FHAD1: variants seen among roughly 807,000 people sequenced by gnomAD.
FHAD1 encodes the protein forkhead associated phosphopeptide binding domain 1, also known as forkhead-associated domain-containing protein 1.
FHAD1 carries 146 observed loss-of-function variants against 191.3 expected under a neutral mutation model. That is an observed-to-expected ratio of 0.76 (90% CI 0.67 to 0.88). FHAD1 has a LOEUF of 0.88. FHAD1 is among the 40% of genes least tolerant of loss of function. The probability of loss-of-function intolerance (pLI) is 0.00; values close to 1 mark genes in which losing one functional copy is unlikely to be tolerated. For synonymous variants in FHAD1, 616 were observed against 672.3 expected, an observed-to-expected ratio of 0.92 and a Z score of 1.29; for missense variants, 1,635 against 1,785.8, an observed-to-expected ratio of 0.92 and a Z score of 1.52.
chr1:15,382,124 G>A lies in FHAD1; in HGVS notation c.4119G>A (p.Glu1373=). The change falls in exon 31 of 34, where the codon GAG becomes GAA. Residue 1373 remains glutamate, a synonymous_variant. Coordinates refer to ENST00000688493, the MANE Select transcript of FHAD1 (RefSeq NM_001391957.1). The stretch of plus-strand genomic sequence containing the variant: ...CCGAAGAGAAGGCCCTGCTGAAGGA[G>A]GCCCTGGAGCGCATGGAGCACCAGC... ...KEAEEKALLK[E]ALERMEHQLC... is the part of the protein sequence containing the mutation. The A allele has an allele frequency of 1.3e-6, 2 of 1,552,148 alleles. No homozygotes were observed. The highest frequency in any genetic ancestry group is 1.7e-6 in the Non-Finnish European group (2 of 1,147,116).
At chr1:15,362,941 A>C (rs1468386653) in intron 23 of FHAD1, among the ~76,000 whole-genome samples, 1 of 152,040 alleles carries the variant, frequency 6.6e-6, no homozygotes, top group African/African-American at 2.4e-5. Context: ...CTGCCTTCCC[A>C]GTGCTGCTTC....
chr1:15,360,428 C>T (rs1210434682), intron 21 of FHAD1, 50 bp from the exon 22 acceptor site: 5 of 1,493,388 alleles, frequency 3.3e-6, no homozygotes, highest in Admixed American at 2.0e-5. Flanking sequence ...ATTATTGTTG[C>T]CGTCATACAC....
Position 15,375,983 on chromosome 1 carries a change from G to A in FHAD1, c.3705+253G>A, listed in dbSNP as rs142789621. ...CCACGTTAATCGCTGAAGCATGGCGGGCCCCCTTTCCAGATCATGTATGAT... is the reference window on the plus strand; with the variant it reads ...CCACGTTAATCGCTGAAGCATGGCGAGCCCCCTTTCCAGATCATGTATGAT... On this transcript the variant is annotated intron_variant, in intron 28 of 33. Transcript: ENST00000688493. Among the ~76,000 whole-genome samples the A allele has an allele frequency of 5.5e-3, 828 of 151,040 alleles. 6 individuals are homozygous for A. The highest frequency in any genetic ancestry group is 0.014 in the Middle Eastern group (4 of 288).
chr1:15,352,847 GGCCC>G, intron 19 of FHAD1, 26 bp from the exon 20 acceptor site: 2 of 1,473,582 alleles, frequency 1.4e-6, no homozygotes, highest in Non-Finnish European at 9.3e-7. Context: ...TGAGGGCACA[GGCCC>G]TCAAACCACT....
intron 10 of FHAD1, among the ~76,000 whole-genome samples, chr1:15,323,060 C>G (rs1969651): frequency 0.023 from 3,479 of 152,238 alleles, 148 homozygotes; most frequent in African/African-American, 0.079. Flanking sequence ...ATCAGGAGAA[C>G]AGCACGGGAA....
intron 33 of FHAD1, among the ~76,000 whole-genome samples, chr1:15,395,370 G>T (rs1247331013): frequency 6.7e-6 from 1 of 149,888 alleles, no homozygotes; most frequent in Admixed American, 6.6e-5. Flanking sequence ...CGTCTCTCTC[G>T]TGCATGCATG....
intron 13 of FHAD1, 165 bp downstream of exon 13, chr1:15,328,594 AGGGCCT>A: frequency 8.5e-6 from 5 of 588,928 alleles, no homozygotes; most frequent in Non-Finnish European, 1.3e-5. Flanking sequence ...GAAAAAACAA[AGGGCCT>A]AAAAAAATGC....
chr1:15,345,017 G>A (rs1688300357), intron 16 of FHAD1, 66 bp from the exon 17 acceptor site: 1 of 1,256,318 alleles, frequency 8.0e-7, no homozygotes, highest in East Asian at 2.5e-5. Flanking sequence ...CACATGCAGT[G>A]CCTGGCAGCG....
In FHAD1 at chr1:15,301,367, A is replaced by C. The variant is rs748993451; in HGVS notation, c.841A>C (p.Ile281Leu). The C allele has an allele frequency of 3.2e-6, 5 of 1,551,648 alleles. No individual in the cohort carries two copies. In the Admixed American group the frequency reaches 5.9e-5, roughly 18 times the overall value. Reference sequence around the variant, plus strand: ...CACCTCCAGGCAGAATGAGAAGGAGATCTCGCAGAAGTGTCAGGTTCTGGA... The same window carrying C: ...CACCTCCAGGCAGAATGAGAAGGAGCTCTCGCAGAAGTGTCAGGTTCTGGA... ...TTTSRQNEKE[I>L]SQKCQVLDED... The change falls in exon 6 of 34, where the codon ATC becomes CTC. Residue 281 changes from isoleucine to leucine, a missense_variant. Physicochemically the swap from Ile to Leu is conservative, Grantham distance 5 (BLOSUM62 2). Transcript: ENST00000688493.
chr1:15,292,311 C>G (rs1466083736), intron 4 of FHAD1, among the ~76,000 whole-genome samples: 1 of 150,846 alleles, frequency 6.6e-6, no homozygotes, highest in Admixed American at 6.6e-5. Context: ...CCAGGCCTGG[C>G]TAATTTTTGT....
chr1:15,391,066 T>C (rs1703912277), intron 32 of FHAD1, 144 bp from the exon 33 acceptor site: 3 of 282,996 alleles, frequency 1.1e-5, no homozygotes, highest in East Asian at 2.5e-4. Flanking sequence ...TTTCAGATGC[T>C]ACCTGTTTGG....
At chr1:15,243,429 G>T (rs1205826674), upstream of FHAD1, among the ~76,000 whole-genome samples, 1 of 152,152 alleles carries the variant, frequency 6.6e-6, no homozygotes, top group Non-Finnish European at 1.5e-5. Context: ...TCTTTCTCTG[G>T]CTCTCTTTCA....
intron 3 of FHAD1, among the ~76,000 whole-genome samples, chr1:15,280,304 A>G (rs530212885): frequency 4.6e-5 from 7 of 152,242 alleles, no homozygotes; most frequent in African/African-American, 1.7e-4. Flanking sequence ...TTTCCTCTAC[A>G]CTGTGCTGTT....
chr1:15,253,228 A>T, intron 2 of FHAD1, among the ~76,000 whole-genome samples: 1 of 150,522 alleles, frequency 6.6e-6, no homozygotes, highest in African/African-American at 2.4e-5. Context: ...GTTCTGTATC[A>T]TTTTATAGAT....
intron 19 of FHAD1, 83 bp downstream of exon 19, chr1:15,349,232 A>C (rs937658947): frequency 4.6e-6 from 5 of 1,083,274 alleles, no homozygotes; most frequent in Non-Finnish European, 6.8e-6. Context: ...AATCGGGCAG[A>C]TATCAGAGCC....
intron 2 of FHAD1, among the ~76,000 whole-genome samples, chr1:15,254,853 AT>A (rs538052384): frequency 7.9e-5 from 12 of 152,230 alleles, no homozygotes; most frequent in Non-Finnish European, 1.8e-4. Context: ...TTTGGGAGAG[AT>A]TTGCTTTAAG....
chr1:15,355,715 T>C (rs1692507468), intron 20 of FHAD1, among the ~76,000 whole-genome samples: 2 of 152,152 alleles, frequency 1.3e-5, no homozygotes, highest in Non-Finnish European at 2.9e-5. Context: ...ATAGGCCAGG[T>C]CTGCATGAGG....
chr1:15,398,795 A>T (rs1259174527), downstream of FHAD1, among the ~76,000 whole-genome samples: 1 of 151,802 alleles, frequency 6.6e-6, no homozygotes, highest in Admixed American at 6.6e-5. Flanking sequence ...AAAAAAAAAA[A>T]AAATGGAAGA....
chr1:15,362,161 A>G (rs1330642391), intron 22 of FHAD1, among the ~76,000 whole-genome samples: 1 of 152,236 alleles, frequency 6.6e-6, no homozygotes, highest in Non-Finnish European at 1.5e-5. Flanking sequence ...TGTTAGTTGA[A>G]GGGATAAACA....
Sources: allele counts gnomAD v4.1 joint callset (sites outside exome capture counted in the v4.1 genomes callset), GRCh38; gene constraint gnomAD v4.1.1; transcripts MANE v1.5; gene names NCBI Gene and HGNC (gene_info 2026-07-23, HGNC 2026-07-21).